SEC14L1: variants seen among roughly 807,000 people sequenced by gnomAD.
SEC14L1 encodes the protein SEC14 like lipid binding 1.
In SEC14L1, 48 loss-of-function variants were observed where a neutral mutation model predicts 85.3. That is an observed-to-expected ratio of 0.56 (90% CI 0.45 to 0.72). SEC14L1 has a LOEUF of 0.72. SEC14L1 is among the 30% of genes least tolerant of loss of function. The pLI is 0.00. For synonymous variants in SEC14L1, 391 were observed against 355.5 expected (o/e 1.10, Z -1.12); for missense variants, 682 against 921.4 (o/e 0.74, Z 3.36).
chr17:77,107,233 G>A (rs979070874), intron 3 of SEC14L1, among the ~76,000 whole-genome samples: 4 of 152,054 alleles, frequency 2.6e-5, no homozygotes, highest in Admixed American at 6.6e-5. Flanking sequence ...GCCAGGCTCC[G>A]GGCTCCGGGG....
At chr17:77,184,692 T>C (rs1479307060) in intron 3 of SEC14L1, among the ~76,000 whole-genome samples, 2 of 152,204 alleles carry the variant, frequency 1.3e-5, no homozygotes, top group African/African-American at 4.8e-5. Context: ...CGGATTCCTT[T>C]GTAATAGGGA....
intron 3 of SEC14L1, among the ~76,000 whole-genome samples, chr17:77,178,937 C>G (rs1436046037): frequency 2.0e-5 from 3 of 152,230 alleles, no homozygotes; most frequent in Non-Finnish European, 4.4e-5. Flanking sequence ...ATGTAGTGAC[C>G]TTTCCTTGTC....
At chr17:77,185,493 CT>C in intron 3 of SEC14L1, 1 of 471,158 alleles carries the variant, frequency 2.1e-6, no homozygotes, top group Non-Finnish European at 2.8e-6. Flanking sequence ...TGGGTGACAC[CT>C]TATGCTGACC....
chr17:77,191,543 G>T (rs1158305153), intron 5 of SEC14L1, among the ~76,000 whole-genome samples: 1 of 148,670 alleles, frequency 6.7e-6, no homozygotes. Context: ...ATTTGGTTTT[G>T]TTTTTTTTTT....
chr17:77,153,575 C>T (rs1394163251), intron 3 of SEC14L1, among the ~76,000 whole-genome samples: 1 of 152,038 alleles, frequency 6.6e-6, no homozygotes, highest in Non-Finnish European at 1.5e-5. Context: ...TGAATGGGTC[C>T]TCATTTTGTA....
chr17:77,216,362 G>A lies in SEC14L1; in HGVS notation c.*2339G>A. ...TAGGGTTAGTAGGTAGGGCTAGTAGGTAGGGCTAGTAGGTAGGGCTAGTAG... is the reference window on the plus strand; with the variant it reads ...TAGGGTTAGTAGGTAGGGCTAGTAGATAGGGCTAGTAGGTAGGGCTAGTAG... On this transcript the variant is annotated 3_prime_UTR_variant, in exon 17 of 17. Transcript: ENST00000436233. The A allele has an allele frequency of 2.9e-6, 4 of 1,399,142 alleles. No homozygotes were observed. Among genetic ancestry groups the A allele is most frequent in the Non-Finnish European group, 2.8e-6 (3 of 1,075,178 alleles). The allele number at this position is 1,399,142 out of a possible 1,614,324, so 86.7% of individuals were successfully genotyped here. A position where few individuals can be genotyped will look rare whatever the true frequency, so the allele number is the denominator to read the frequency against.
chr17:77,205,401 T>C (rs1330883448), intron 11 of SEC14L1, 55 bp downstream of exon 11: 2 of 1,458,330 alleles, frequency 1.4e-6, no homozygotes, highest in African/African-American at 1.4e-5. Flanking sequence ...GAATTAAATA[T>C]TTCTAGTTGA....
At chr17:77,143,507 A>G (rs752931158) in intron 2 of SEC14L1, 60 bp from the exon 3 acceptor site, 286 of 987,592 alleles carry the variant, frequency 2.9e-4, no homozygotes, top group Non-Finnish European at 3.4e-4. Flanking sequence ...GTCAGTGCAG[A>G]CTTACTAATA....
rs556607541 is a variant in SEC14L1, at chr17:77,186,496, A to C, written c.64-4307A>C. On this transcript the variant is annotated intron_variant, in intron 3 of 16. Coordinates refer to ENST00000436233, the MANE Select transcript of SEC14L1 (RefSeq NM_001143998.2). The stretch of plus-strand genomic sequence containing the variant: ...GCACCTGCTTATCCTTCTGACCCTC[A>C]TGGATGTCATTGACTCCCTTCCCTC... Among the ~76,000 whole-genome samples, 178 of 152,252 alleles carry C rather than the reference A, an allele frequency of 1.2e-3. 1 individual carries two copies. Among genetic ancestry groups the C allele is most frequent in the African/African-American group, 3.1e-3 (128 of 41,544 alleles).
At chr17:77,162,018 T>C (rs1013996588) in intron 3 of SEC14L1, among the ~76,000 whole-genome samples, 2 of 150,354 alleles carry the variant, frequency 1.3e-5, no homozygotes, top group African/African-American at 2.4e-5. Flanking sequence ...TACATACAAA[T>C]CCCCGACCCA....
rs771941198 is a variant in SEC14L1 at position 77,212,181 on chromosome 17, A to G, written c.1843A>G (p.Lys615Glu). The change falls in exon 15 of 17, where the codon AAA (lysine) becomes GAA (glutamate). Residue 615 changes from lysine (K) to glutamate (E), a missense_variant. Lys to Glu is a moderately conservative substitution (Grantham distance 56). Around this residue, in one of 3 missense-constraint regions of SEC14L1, gnomAD observed 420 missense variants for 619.5 expected, o/e 0.68. Transcript: ENST00000436233. The part of the protein sequence containing the change: ...YSMVESPLIC[K>E]EGESVQGSHV... ...CATGGTGGAGTCGCCTCTGATCTGC[A>G]AAGAAGGAGAAAGCGTGCAGGTAAA... 3 of 1,613,596 alleles carry G rather than the reference A, an allele frequency of 1.9e-6. No homozygotes were observed. The highest frequency in any genetic ancestry group is 1.3e-5 in the African/African-American group (1 of 74,916).
chr17:77,189,786 G>A (rs567028255), intron 3 of SEC14L1, among the ~76,000 whole-genome samples: 3 of 152,128 alleles, frequency 2.0e-5, no homozygotes, highest in Non-Finnish European at 4.4e-5. Flanking sequence ...CCGCCACCAC[G>A]CCCGGCTAAT....
At chr17:77,127,411 G>A (rs562430450) in intron 3 of SEC14L1, among the ~76,000 whole-genome samples, 4 of 151,994 alleles carry the variant, frequency 2.6e-5, no homozygotes, top group South Asian at 4.1e-4. Context: ...GTGCAGTGGC[G>A]CGATCTCAGC....
rs186433363 is a variant in SEC14L1, at chr17:77,183,887, G to A, written c.64-6916G>A. Reference sequence around the variant, plus strand: ...GGTTGTGTAGACTGTTCCATAATTTGGGTTTGTCTGATGATTTCCTCCCGA... The same window carrying A: ...GGTTGTGTAGACTGTTCCATAATTTAGGTTTGTCTGATGATTTCCTCCCGA... On this transcript the variant is annotated intron_variant, in intron 3 of 16. Coordinates refer to ENST00000436233, the MANE Select transcript of SEC14L1 (RefSeq NM_001143998.2). 8.2e-4 allele frequency among the ~76,000 whole-genome samples: 125 copies of A among 151,816 alleles called. 1 individual carries two copies. The highest frequency in any genetic ancestry group is 3.0e-3 in the African/African-American group (123 of 41,394).
At chr17:77,138,644 CA>C (rs1030276622), upstream of SEC14L1, among the ~76,000 whole-genome samples, 1 of 151,244 alleles carries the variant, frequency 6.6e-6, no homozygotes, top group Non-Finnish European at 1.5e-5. Context: ...AACAAAAAAA[CA>C]AAAAAAACCT....
chr17:77,144,574 T>A (rs1973194006), intron 3 of SEC14L1: 1 of 152,250 alleles, frequency 6.6e-6, no homozygotes, highest in African/African-American at 2.4e-5. Flanking sequence ...GAAGTCCTCT[T>A]ACGGGAAGAA....
At chr17:77,192,562 C>T (rs868512877) in intron 5 of SEC14L1, among the ~76,000 whole-genome samples, 5 of 152,132 alleles carry the variant, frequency 3.3e-5, no homozygotes, top group South Asian at 2.1e-4. Context: ...TTCTTCCCTA[C>T]GTCTCTAGTC....
intron 10 of SEC14L1, 90 bp downstream of exon 10, chr17:77,203,748 A>G (rs1976306070): frequency 1.1e-6 from 1 of 918,238 alleles, no homozygotes. Context: ...AGCCTGTTAG[A>G]ACAAACATGA....
intron 3 of SEC14L1, among the ~76,000 whole-genome samples, chr17:77,189,334 C>G (rs1488700466): frequency 6.6e-6 from 1 of 152,138 alleles, no homozygotes; most frequent in Non-Finnish European, 1.5e-5. Context: ...CTGGCCCAAA[C>G]TGGCCCATTT....
Sources: allele counts gnomAD v4.1 joint callset (sites outside exome capture counted in the v4.1 genomes callset), GRCh38; gene constraint gnomAD v4.1.1; regional missense constraint gnomAD v4.1.1; transcripts MANE v1.5; gene names NCBI Gene and HGNC (gene_info 2026-07-23, HGNC 2026-07-21).